HS2ST1: variants seen among roughly 807,000 people sequenced by gnomAD.
HS2ST1 encodes heparan sulfate 2-O-sulfotransferase 1.
Under a neutral mutation model 42.9 loss-of-function variants are expected in HS2ST1, and 18 were observed. The ratio of observed to expected loss-of-function variants is 0.42; its 90% CI spans 0.29 to 0.62. HS2ST1 has a LOEUF of 0.62. Among genes scored for constraint, HS2ST1 ranks in the 20% least tolerant of loss-of-function variants. The probability of loss-of-function intolerance (pLI) is 0.21; values close to 1 mark genes in which losing one functional copy is unlikely to be tolerated. For missense variants in HS2ST1, 334 were observed against 433.8 expected, an observed-to-expected ratio of 0.77 and a Z score of 2.04; for synonymous variants, 146 against 152.9, an observed-to-expected ratio of 0.95 and a Z score of 0.33.
chr1:86,968,406 T>A (rs1297199536), intron 1 of HS2ST1, among the ~76,000 whole-genome samples: 1 of 145,094 alleles, frequency 6.9e-6, no homozygotes, highest in Non-Finnish European at 1.5e-5. Flanking sequence ...TTAGGTAATC[T>A]TTGGATTACT....
chr1:87,026,765 AG>A (rs1395711704), intron 1 of HS2ST1, among the ~76,000 whole-genome samples: 2 of 152,134 alleles, frequency 1.3e-5, no homozygotes, highest in Non-Finnish European at 1.5e-5. Context: ...ACATAAAACT[AG>A]GGTCTTCAAT....
chr1:86,936,833 G>A (rs916014378), intron 1 of HS2ST1, among the ~76,000 whole-genome samples: 1 of 151,316 alleles, frequency 6.6e-6, no homozygotes, highest in African/African-American at 2.4e-5. Context: ...TGGTGGCTCA[G>A]GCCTGTAATC....
intron 2 of HS2ST1, among the ~76,000 whole-genome samples, chr1:87,076,028 G>A (rs1238501810): frequency 1.3e-5 from 2 of 152,088 alleles, no homozygotes; most frequent in Non-Finnish European, 2.9e-5. Flanking sequence ...AAACACAGGG[G>A]CTATGAAAAC....
At chr1:87,074,639 G>C (rs537648435) in intron 2 of HS2ST1, among the ~76,000 whole-genome samples, 1 of 151,980 alleles carries the variant, frequency 6.6e-6, no homozygotes, top group African/African-American at 2.4e-5. Flanking sequence ...AGTTGCATTT[G>C]GATGAGATAA....
At chr1:86,983,455 C>T (rs776050209) in intron 1 of HS2ST1, among the ~76,000 whole-genome samples, 4 of 151,978 alleles carry the variant, frequency 2.6e-5, no homozygotes, top group Non-Finnish European at 4.4e-5. Flanking sequence ...TCAGATCTTG[C>T]GAGAACTCAC....
At chr1:86,941,637 T>C (rs1156771667) in intron 1 of HS2ST1, among the ~76,000 whole-genome samples, 1 of 151,548 alleles carries the variant, frequency 6.6e-6, no homozygotes. Flanking sequence ...AGCCGGGCAT[T>C]GTGGCGGGTG....
intron 1 of HS2ST1, among the ~76,000 whole-genome samples, chr1:87,022,788 T>G (rs1309405492): frequency 6.6e-6 from 1 of 152,200 alleles, no homozygotes; most frequent in Non-Finnish European, 1.5e-5. Flanking sequence ...GAAGAGATAG[T>G]TCTTGTCCTC....
intron 1 of HS2ST1, among the ~76,000 whole-genome samples, chr1:86,960,270 T>C (rs912379648): frequency 3.3e-5 from 5 of 151,546 alleles, no homozygotes; most frequent in Middle Eastern, 6.8e-3. Context: ...CTTTATACTT[T>C]TCACAAAAAC....
At chr1:87,042,175 G>A (rs1263659001) in intron 1 of HS2ST1, among the ~76,000 whole-genome samples, 1 of 151,972 alleles carries the variant, frequency 6.6e-6, no homozygotes, top group Non-Finnish European at 1.5e-5. Context: ...GAGATATTTG[G>A]AGTTTTTTGC....
intron 4 of HS2ST1, among the ~76,000 whole-genome samples, chr1:87,097,245 C>T (rs1557545025): frequency 6.6e-6 from 1 of 152,062 alleles, no homozygotes; most frequent in Non-Finnish European, 1.5e-5. Context: ...GTTGGAAAGA[C>T]AGAACATAAC....
At chr1:87,004,148 T>C (rs1457432864) in intron 1 of HS2ST1, among the ~76,000 whole-genome samples, 1 of 152,176 alleles carries the variant, frequency 6.6e-6, no homozygotes, top group Middle Eastern at 3.2e-3. Flanking sequence ...CCCACCACTT[T>C]GGGAGGCTGA....
At chr1:86,971,179 C>G (rs906231263) in intron 1 of HS2ST1, among the ~76,000 whole-genome samples, 4 of 151,956 alleles carry the variant, frequency 2.6e-5, no homozygotes, top group Non-Finnish European at 5.9e-5. Flanking sequence ...TCTGCTCAAA[C>G]AAAGAAATTA....
chr1:86,999,541 A>G (rs1039186215), intron 1 of HS2ST1, among the ~76,000 whole-genome samples: 1 of 152,148 alleles, frequency 6.6e-6, no homozygotes, highest in African/African-American at 2.4e-5. Flanking sequence ...TTGTTTATCT[A>G]TTAATAATCT....
intron 1 of HS2ST1, among the ~76,000 whole-genome samples, chr1:87,002,021 TC>T (rs1296205437): frequency 6.6e-6 from 1 of 151,906 alleles, no homozygotes; most frequent in Non-Finnish European, 1.5e-5. Context: ...CACGCCATTC[TC>T]CTACCTCAGC....
intron 1 of HS2ST1, among the ~76,000 whole-genome samples, chr1:86,988,146 C>T (rs1648845124): frequency 1.3e-5 from 2 of 152,110 alleles, no homozygotes; most frequent in South Asian, 4.1e-4. Flanking sequence ...TAAAAATAGC[C>T]TTTTCTAAAC....
At chr1:87,061,203 A>G (rs1395382598) in intron 1 of HS2ST1, among the ~76,000 whole-genome samples, 1 of 152,174 alleles carries the variant, frequency 6.6e-6, no homozygotes. Flanking sequence ...TAATGTTATT[A>G]TTAAAATGAA....
intron 1 of HS2ST1, among the ~76,000 whole-genome samples, chr1:87,036,982 A>C (rs376783480): frequency 3.3e-5 from 5 of 152,272 alleles, no homozygotes; most frequent in African/African-American, 1.2e-4. Context: ...ATTTCCCAAT[A>C]GTATTTGTTA....
chr1:86,931,090 T>C (rs1660530463), intron 1 of HS2ST1, among the ~76,000 whole-genome samples: 2 of 152,118 alleles, frequency 1.3e-5, no homozygotes, highest in South Asian at 2.1e-4. Flanking sequence ...ACAAAAATGA[T>C]GTTGTAGTAT....
chr1:87,034,972 G>C (rs914471162), intron 1 of HS2ST1, among the ~76,000 whole-genome samples: 2 of 152,174 alleles, frequency 1.3e-5, no homozygotes, highest in Non-Finnish European at 2.9e-5. Flanking sequence ...GGAGGCAAGA[G>C]AATCAGAGTC....
Sources: gnomAD v4.1 joint callset for allele counts (sites outside exome capture counted in the v4.1 genomes callset) on GRCh38, gnomAD v4.1.1 for gene constraint, MANE v1.5 for transcripts, NCBI Gene and HGNC (gene_info 2026-07-23, HGNC 2026-07-21) for gene names.